C8orf34: variants seen among roughly 807,000 people sequenced by gnomAD.
The protein encoded by C8orf34 is chromosome 8 open reading frame 34, also known as uncharacterized protein C8orf34.
Under a neutral mutation model 68.3 loss-of-function variants are expected in C8orf34, and 65 were observed. That is an observed-to-expected ratio of 0.95 (90% CI 0.78 to 1.17). The LOEUF is 1.17. Ranked by LOEUF, C8orf34 falls within the 50% of genes most tolerant of loss-of-function variation. C8orf34 has a pLI of 0.00. For synonymous variants in C8orf34, 244 were observed against 241.2 expected, an observed-to-expected ratio of 1.01 and a Z score of -0.11; for missense variants, 664 against 655.4, an observed-to-expected ratio of 1.01 and a Z score of -0.14.
chr8:68,812,791 C>T (rs191088742), intron 12 of C8orf34, among the ~76,000 whole-genome samples: 230 of 152,240 alleles, frequency 1.5e-3, no homozygotes, highest in Non-Finnish European at 2.6e-3. Context: ...TTAAAGATCA[C>T]TTGAGAAGGG....
chr8:68,434,733 G>A (rs973528143), intron 1 of C8orf34, among the ~76,000 whole-genome samples: 3 of 152,078 alleles, frequency 2.0e-5, no homozygotes, highest in Non-Finnish European at 4.4e-5. Flanking sequence ...AAAGATTCTA[G>A]TTGATAAAAA....
chr8:68,617,446 T>C (rs556174390), intron 7 of C8orf34, among the ~76,000 whole-genome samples: 2 of 152,234 alleles, frequency 1.3e-5, no homozygotes, highest in Non-Finnish European at 2.9e-5. Flanking sequence ...CCATATTTAG[T>C]GCTTCCTTCA....
At chr8:68,349,328 C>T (rs748747602) in intron 1 of C8orf34, among the ~76,000 whole-genome samples, 4 of 152,024 alleles carry the variant, frequency 2.6e-5, no homozygotes, top group Non-Finnish European at 4.4e-5. Context: ...ATGAAGCCTA[C>T]TTGATCATGG....
At chr8:68,567,796 CTGGGTTTGGGTT>C (rs1816641423) in intron 7 of C8orf34, among the ~76,000 whole-genome samples, 1 of 150,566 alleles carries the variant, frequency 6.6e-6, no homozygotes, top group African/African-American at 2.4e-5. Context: ...CTTTCTTCTG[CTGGGTTTGGGTT>C]TGGTTTGTTC....
chr8:68,782,554 C>A (rs1779619406), intron 11 of C8orf34, among the ~76,000 whole-genome samples: 1 of 151,782 alleles, frequency 6.6e-6, no homozygotes, highest in Non-Finnish European at 1.5e-5. Context: ...TCATCTAATC[C>A]AGTAACTATC....
At chr8:68,656,500 T>C (rs1253407670) in intron 8 of C8orf34, among the ~76,000 whole-genome samples, 6 of 152,238 alleles carry the variant, frequency 3.9e-5, no homozygotes, top group Non-Finnish European at 2.9e-5. Flanking sequence ...CTTTCAGCCA[T>C]AGCACACTGT....
chr8:68,499,279 T>G (rs1813664725), intron 5 of C8orf34, among the ~76,000 whole-genome samples: 1 of 152,174 alleles, frequency 6.6e-6, no homozygotes, highest in Non-Finnish European at 1.5e-5. Context: ...TATGGCTGCA[T>G]AGTTGGAATA....
intron 7 of C8orf34, among the ~76,000 whole-genome samples, chr8:68,575,559 A>G (rs1191543496): frequency 6.6e-6 from 1 of 152,106 alleles, no homozygotes; most frequent in Non-Finnish European, 1.5e-5. Context: ...CATCTTCTAA[A>G]ATAATTGAAG....
Position 68,571,858 on chromosome 8 carries a change from C to A in C8orf34, c.1105+38709C>A, listed in dbSNP as rs536100351. Among the ~76,000 whole-genome samples, 38 of 152,146 alleles carry A rather than the reference C, an allele frequency of 2.5e-4. No homozygotes were observed. In the South Asian group the frequency reaches 2.9e-3, roughly 12 times the overall value. On this transcript the variant is annotated intron_variant, in intron 7 of 13. Coordinates refer to ENST00000518698, the MANE Select transcript of C8orf34 (RefSeq NM_052958.4). Reference sequence around the variant, plus strand: ...TTTGAAGACTAACAATAATGACACACGTAAAATAATATATATAGTTATGTG... The same window carrying A: ...TTTGAAGACTAACAATAATGACACAAGTAAAATAATATATATAGTTATGTG...
chr8:68,539,435 G>A (rs2380478), intron 7 of C8orf34, among the ~76,000 whole-genome samples: 27,306 of 152,152 alleles, frequency 0.18, 2,986 homozygotes, highest in African/African-American at 0.31. Context: ...TATTAAAGAA[G>A]CATTAAAACT....
intron 7 of C8orf34, among the ~76,000 whole-genome samples, chr8:68,539,536 A>G (rs1239536625): frequency 6.6e-6 from 1 of 152,308 alleles, no homozygotes; most frequent in Non-Finnish European, 1.5e-5. Context: ...TTATTAAAAT[A>G]TCTCTAAATA....
chr8:68,388,722 T>A (rs1419742214), intron 1 of C8orf34, among the ~76,000 whole-genome samples: 1 of 152,116 alleles, frequency 6.6e-6, no homozygotes, highest in Non-Finnish European at 1.5e-5. Context: ...AGTTGCCCAG[T>A]GCCAAAACAC....
intron 12 of C8orf34, among the ~76,000 whole-genome samples, chr8:68,794,490 T>A (rs866492838): frequency 1.1e-5 from 1 of 94,936 alleles, no homozygotes; most frequent in African/African-American, 7.2e-5. Context: ...TAAATATATA[T>A]ATATATATAT....
At chr8:68,466,100 ATCT>A (rs763019873) in intron 3 of C8orf34, among the ~76,000 whole-genome samples, 4 of 151,846 alleles carry the variant, frequency 2.6e-5, no homozygotes, top group Non-Finnish European at 5.9e-5. Flanking sequence ...GGAGGTTATT[ATCT>A]TAAGTGAAAT....
chr8:68,792,130 A>T (rs1161313330), intron 12 of C8orf34: 1 of 152,220 alleles, frequency 6.6e-6, no homozygotes, highest in African/African-American at 2.4e-5. Flanking sequence ...CCTGCTGAAG[A>T]CGAGCTCTCA....
intron 5 of C8orf34, among the ~76,000 whole-genome samples, chr8:68,493,384 A>G (rs1228854889): frequency 1.3e-5 from 2 of 152,176 alleles, no homozygotes; most frequent in Non-Finnish European, 2.9e-5. Flanking sequence ...GATGCTCCAT[A>G]TCACTAATCA....
chr8:68,593,238 A>T (rs1288712268), intron 7 of C8orf34, among the ~76,000 whole-genome samples: 1 of 152,162 alleles, frequency 6.6e-6, no homozygotes, highest in Admixed American at 6.6e-5. Context: ...TATTGAAATT[A>T]AACCTTATTT....
chr8:68,526,430 A>G (rs941662604), intron 6 of C8orf34, among the ~76,000 whole-genome samples: 4 of 152,202 alleles, frequency 2.6e-5, no homozygotes, highest in Admixed American at 6.5e-5. Flanking sequence ...AAAAAATCCT[A>G]GACTCAAAGG....
intron 7 of C8orf34, among the ~76,000 whole-genome samples, chr8:68,595,306 T>C (rs1817512415): frequency 6.6e-6 from 1 of 152,056 alleles, no homozygotes; most frequent in Non-Finnish European, 1.5e-5. Flanking sequence ...TTGATACAAG[T>C]GTAAGGGCTT....
Sources: allele counts gnomAD v4.1 joint callset (sites outside exome capture counted in the v4.1 genomes callset), GRCh38; gene constraint gnomAD v4.1.1; transcripts MANE v1.5; gene names NCBI Gene and HGNC (gene_info 2026-07-23, HGNC 2026-07-21).